KIAA0232: variants seen among roughly 807,000 people sequenced by gnomAD.
The protein encoded by KIAA0232 is uncharacterized protein KIAA0232.
Under a neutral mutation model 122.0 loss-of-function variants are expected in KIAA0232, and 27 were observed. That is an observed-to-expected ratio of 0.22 (90% CI 0.16 to 0.31). The LOEUF is 0.31. Among genes scored for constraint, KIAA0232 ranks in the 10% least tolerant of loss-of-function variants. The probability of loss-of-function intolerance (pLI) is 1.00; values close to 1 mark genes in which losing one functional copy is unlikely to be tolerated. For synonymous variants in KIAA0232, 613 were observed against 587.6 expected, an observed-to-expected ratio of 1.04 and a Z score of -0.63; for missense variants, 1,551 against 1,634.2, an observed-to-expected ratio of 0.95 and a Z score of 0.88.
chr4:6,871,730 G>A (rs1721500683), intron 8 of KIAA0232, 48 bp downstream of exon 8: 2 of 1,126,040 alleles, frequency 1.8e-6, no homozygotes, highest in African/African-American at 1.6e-5. Flanking sequence ...TTTGTAATTT[G>A]TTAAGAGCAA....
chr4:6,858,600 T>G, intron 6 of KIAA0232, 94 bp downstream of exon 6: 1 of 735,844 alleles, frequency 1.4e-6, no homozygotes, highest in Non-Finnish European at 2.2e-6. Context: ...GTCATCTTGT[T>G]TAGTTTCATT....
chr4:6,878,418 T>TAC (rs1440408419), intron 9 of KIAA0232, among the ~76,000 whole-genome samples: 2 of 151,450 alleles, frequency 1.3e-5, no homozygotes, highest in East Asian at 3.9e-4. Flanking sequence ...CATACATAAA[T>TAC]ATATACATAC....
rs542166140 is a variant in KIAA0232 at position 6,798,598 on chromosome 4, C to T, written c.-353-5925C>T. On this transcript the variant is annotated intron_variant, in intron 1 of 9. Transcript: ENST00000307659. ...AGACAGGGTCTCGCTGTCGCACAGG[C>T]TGGAGTGCAGGGGTGTGATTATCGC... 1.1e-4 allele frequency among the ~76,000 whole-genome samples: 17 copies of T among 152,362 alleles called. No homozygotes were observed. In the South Asian group the frequency reaches 3.5e-3, roughly 32 times the overall value.
intron 3 of KIAA0232, among the ~76,000 whole-genome samples, chr4:6,833,683 A>C (rs1443156810): frequency 6.6e-6 from 1 of 152,174 alleles, no homozygotes; most frequent in East Asian, 1.9e-4. Context: ...CATGCTACTG[A>C]TGGAAGAGTA....
chr4:6,833,110 A>G (rs994443335), intron 3 of KIAA0232, among the ~76,000 whole-genome samples: 6 of 152,222 alleles, frequency 3.9e-5, no homozygotes, highest in African/African-American at 1.4e-4. Flanking sequence ...AAAAGCTAGC[A>G]TCTGCGGTGT....
intron 4 of KIAA0232, among the ~76,000 whole-genome samples, chr4:6,849,999 C>G (rs2108763479): frequency 6.6e-6 from 1 of 152,206 alleles, no homozygotes; most frequent in South Asian, 2.1e-4. Context: ...TAATCTAGCC[C>G]AGATCTTCTG....
intron 8 of KIAA0232, among the ~76,000 whole-genome samples, chr4:6,876,198 C>G (rs183599859): frequency 6.6e-6 from 1 of 152,224 alleles, no homozygotes; most frequent in Non-Finnish European, 1.5e-5. Context: ...GACCCTGTGT[C>G]GTTTCTCCAT....
At chr4:6,856,244 G>C (rs1720562775) in intron 4 of KIAA0232, among the ~76,000 whole-genome samples, 1 of 152,172 alleles carries the variant, frequency 6.6e-6, no homozygotes, top group African/African-American at 2.4e-5. Context: ...TGGCTTAGCA[G>C]AACTCTCCAT....
intron 4 of KIAA0232, among the ~76,000 whole-genome samples, chr4:6,851,791 A>G (rs1720302491): frequency 6.6e-6 from 1 of 151,900 alleles, no homozygotes; most frequent in African/African-American, 2.4e-5. Flanking sequence ...TGAACTAAGA[A>G]AATTGAAGGA....
At chr4:6,815,313 C>T (rs898110170) in intron 2 of KIAA0232, among the ~76,000 whole-genome samples, 2 of 152,226 alleles carry the variant, frequency 1.3e-5, no homozygotes, top group African/African-American at 2.4e-5. Context: ...GTGGATCATA[C>T]GTGAAGTAAG....
intron 7 of KIAA0232, among the ~76,000 whole-genome samples, chr4:6,865,521 G>C (rs531996561): frequency 6.0e-4 from 91 of 152,314 alleles, no homozygotes; most frequent in African/African-American, 2.0e-3. Context: ...GGCTGGTCTT[G>C]AACTCCTAAC....
In KIAA0232 at chr4:6,861,327, A is replaced by G. The variant is rs950062288; in HGVS notation, c.945A>G (p.Val315=). The G allele has an allele frequency of 1.2e-6, 2 of 1,614,060 alleles. No individual in the cohort carries two copies. The highest frequency in any genetic ancestry group is 1.7e-5 in the Admixed American group (1 of 60,014). The change falls in exon 7 of 10, where the codon GTA becomes GTG. Residue 315 remains valine (V), a synonymous_variant. Transcript: ENST00000307659. ...AAGCATCCATGAAGTATGTTAAAGT[A>G]AGACACAAGGCACGAGAGATTCGAA... is the stretch of plus-strand genomic sequence containing the variant. ...ELKASMKYVK[V]RHKAREIRNK... is the part of the protein sequence containing the mutation.
Position 6,862,586 on chromosome 4 carries a change from C to T in KIAA0232, c.2204C>T (p.Thr735Ile). 1 of 1,613,882 alleles carries T rather than the reference C, an allele frequency of 6.2e-7. No individual in the cohort carries two copies. Among genetic ancestry groups the T allele is most frequent in the Non-Finnish European group, 8.5e-7 (1 of 1,179,940 alleles). Reference sequence around the variant, plus strand: ...TTAAATATTCAGTTTGAAGAATCCACACAGTTTAATGCCGAAGATATTAAT... The same window carrying T: ...TTAAATATTCAGTTTGAAGAATCCATACAGTTTAATGCCGAAGATATTAAT... ...ETLNIQFEES[T>I]QFNAEDINYV... Residue 735 changes from threonine to isoleucine, a missense_variant, in exon 7 of 10, where the codon ACA becomes ATA. Around this residue, in one of 5 missense-constraint regions of KIAA0232, gnomAD observed 1,108 missense variants for 1,154.8 expected, o/e 0.96. Coordinates refer to ENST00000307659, the MANE Select transcript of KIAA0232 (RefSeq NM_014743.3).
intron 4 of KIAA0232, among the ~76,000 whole-genome samples, chr4:6,846,250 C>T (rs151207334): frequency 6.6e-4 from 101 of 152,278 alleles, no homozygotes; most frequent in African/African-American, 2.4e-3. Context: ...CTTCAAGTCC[C>T]AGTCCCTGCT....
chr4:6,790,058 T>G (rs1716821479), intron 1 of KIAA0232, among the ~76,000 whole-genome samples: 1 of 152,030 alleles, frequency 6.6e-6, no homozygotes, highest in African/African-American at 2.4e-5. Flanking sequence ...AAAATAGAAA[T>G]TGTCAAAGTT....
intron 2 of KIAA0232, among the ~76,000 whole-genome samples, chr4:6,807,032 G>GTCTGTCTGTCTATCTA (rs750617409): frequency 4.1e-4 from 60 of 145,748 alleles, no homozygotes; most frequent in South Asian, 1.3e-3. Flanking sequence ...CTGTCTGTCT[G>GTCTGTCTGTCTATCTA]TCTATCTATC....
In KIAA0232 at chr4:6,799,445, T is replaced by G. The variant is rs181266650; in HGVS notation, c.-353-5078T>G. On this transcript the variant is annotated intron_variant, in intron 1 of 9. Coordinates refer to ENST00000307659, the MANE Select transcript of KIAA0232 (RefSeq NM_014743.3). ...GGTGTTAAAGTTGGGGGTAAACAATTTCTGAAAAATTGTGACTCATTTCCT... is the reference window on the plus strand; with the variant it reads ...GGTGTTAAAGTTGGGGGTAAACAATGTCTGAAAAATTGTGACTCATTTCCT... Among the ~76,000 whole-genome samples, 163 of 151,686 alleles carry G rather than the reference T, an allele frequency of 1.1e-3. No individual in the cohort carries two copies. The East Asian group carries it at 0.02, about 18-fold the overall frequency.
chr4:6,839,213 G>A (rs1360181330), intron 3 of KIAA0232, among the ~76,000 whole-genome samples: 1 of 152,166 alleles, frequency 6.6e-6, no homozygotes, highest in Non-Finnish European at 1.5e-5. Context: ...GCTCTTATAT[G>A]AAAATTGATT....
chr4:6,842,254 A>G, intron 4 of KIAA0232, 50 bp downstream of exon 4: 1 of 1,529,484 alleles, frequency 6.5e-7, no homozygotes, highest in Non-Finnish European at 8.7e-7. Flanking sequence ...AGAAGGGGTG[A>G]TTTAAGTTTA....
Sources: gnomAD v4.1 joint callset for allele counts (sites outside exome capture counted in the v4.1 genomes callset) on GRCh38, gnomAD v4.1.1 for gene constraint, gnomAD v4.1.1 regional missense constraint, MANE v1.5 for transcripts, NCBI Gene and HGNC (gene_info 2026-07-23, HGNC 2026-07-21) for gene names.